Variants in PAXIP1 observed in about 807,000 individuals in gnomAD.
The protein encoded by PAXIP1 is PAX-interacting protein 1.
A neutral mutation model predicts 140.6 loss-of-function variants in PAXIP1; 19 were observed. The observed-to-expected ratio is 0.14, with a 90% confidence interval of 0.09 to 0.20. The LOEUF (loss-of-function observed/expected upper bound fraction) is 0.20. Ranked by LOEUF, PAXIP1 falls within the 10% of genes least tolerant of loss-of-function variation. The probability of loss-of-function intolerance (pLI) is 1.00; values close to 1 mark genes in which losing one functional copy is unlikely to be tolerated. For synonymous variants in PAXIP1, 442 were observed against 444.6 expected (o/e 0.99, Z 0.07); for missense variants, 920 against 1,208.6 (o/e 0.76, Z 3.54).
At chr7:154,971,176 G>A (rs1428352507) in intron 6 of PAXIP1, among the ~76,000 whole-genome samples, 2 of 152,220 alleles carry the variant, frequency 1.3e-5, no homozygotes, top group Admixed American at 1.3e-4. Context: ...GAGGGCTGAG[G>A]GAGGCCTAGG....
At chr7:154,993,401 CATG>C (rs1810437093) in intron 3 of PAXIP1, among the ~76,000 whole-genome samples, 1 of 152,202 alleles carries the variant, frequency 6.6e-6, no homozygotes, top group Non-Finnish European at 1.5e-5. Context: ...TCAAACAATT[CATG>C]ATTTGATTCA....
At chr7:154,955,769 T>G (rs1407380973) in intron 14 of PAXIP1, 138 bp from the exon 15 acceptor site, 1 of 534,290 alleles carries the variant, frequency 1.9e-6, no homozygotes, top group Non-Finnish European at 3.3e-6. Context: ...AAAAATACAA[T>G]GAGCTATCTG....
rs1447823064 is a variant in PAXIP1 at position 154,986,216 on chromosome 7, CAAGA to C, written c.325-2888_325-2885del. 7.5e-7 allele frequency: 1 copy of C among 1,330,046 alleles called. No individual in the cohort carries two copies. The highest frequency in any genetic ancestry group is 2.6e-4 in the Middle Eastern group (1 of 3,872). The allele number at this position is 1,330,046 out of a possible 1,614,324, so 82.4% of individuals were successfully genotyped here. A position where few individuals can be genotyped will look rare whatever the true frequency, so the allele number is the denominator to read the frequency against. On this transcript the variant is annotated intron_variant, in intron 4 of 20. Transcript: ENST00000404141. This position sits in a 1 kb window ranked among gnomAD's most constrained non-coding sequence, Gnocchi z 4.8. ...AAGACAGAAGGTCACTGAGAACCAC[CAAGA>C]AACAGTCCTTTTGTAAAGCTGGGGT...
chr7:155,000,621 A>T (rs1810845964), intron 1 of PAXIP1: 1 of 152,170 alleles, frequency 6.6e-6, no homozygotes, highest in Non-Finnish European at 1.5e-5. Context: ...AACTCCCTGC[A>T]ATCCAGCCCC....
chr7:154,951,476 T>A (rs901113101), intron 16 of PAXIP1: 17 of 152,156 alleles, frequency 1.1e-4, no homozygotes, highest in African/African-American at 4.1e-4. Flanking sequence ...GCCCTAAAAA[T>A]TGTCTATTTT....
chr7:155,003,122 A>AGCGCGGGAGCC lies in PAXIP1; in HGVS notation c.-194_-193insGGCTCCCGCGC, dbSNP rs1811014986. 6.4e-6 allele frequency: 1 copy of AGCGCGGGAGCC among 155,354 alleles called. No homozygotes were observed. Among genetic ancestry groups the AGCGCGGGAGCC allele is most frequent in the African/African-American group, 2.4e-5 (1 of 41,028 alleles). The allele number at this position is 155,354 out of a possible 1,614,324, so 9.6% of individuals were successfully genotyped here. On this transcript the variant is annotated 5_prime_UTR_variant, in exon 1 of 21. Coordinates refer to ENST00000404141, the MANE Select transcript of PAXIP1 (RefSeq NM_007349.4). ...GCCCGCGCCCGCGCCGAGCGCCCGAAGCGCGGGAGCCGCGCGCGCCCTGCG... is the reference window on the plus strand; with the variant it reads ...GCCCGCGCCCGCGCCGAGCGCCCGAAGCGCGGGAGCCGCGCGGGAGCCGCGCGCGCCCTGCG...
At chr7:154,971,775 A>C (rs893382304) in intron 6 of PAXIP1, among the ~76,000 whole-genome samples, 1 of 152,190 alleles carries the variant, frequency 6.6e-6, no homozygotes, top group South Asian at 2.1e-4. Context: ...AACCACTATA[A>C]ATTTGCAATT....
chr7:154,972,667 G>C (rs1306286413), intron 6 of PAXIP1, among the ~76,000 whole-genome samples: 1 of 152,184 alleles, frequency 6.6e-6, no homozygotes, highest in Non-Finnish European at 1.5e-5. Context: ...TTCTCGAAGT[G>C]CCAGAGGCTT....
At chr7:154,955,697 G>A in intron 14 of PAXIP1, 66 bp from the exon 15 acceptor site, 1 of 860,412 alleles carries the variant, frequency 1.2e-6, no homozygotes, top group Non-Finnish European at 1.7e-6. Flanking sequence ...ATTTTCTTTA[G>A]AAAACAAGGG....
At chr7:154,974,656 C>T (rs188830180) in intron 6 of PAXIP1, 1 of 152,166 alleles carries the variant, frequency 6.6e-6, no homozygotes, top group Admixed American at 6.5e-5. Flanking sequence ...TATTACGGGA[C>T]CCTGATTATT....
intron 2 of PAXIP1, among the ~76,000 whole-genome samples, chr7:154,996,549 T>G (rs1810624515): frequency 6.6e-6 from 1 of 152,190 alleles, no homozygotes; most frequent in South Asian, 2.1e-4. Flanking sequence ...AAGACTGCTT[T>G]GTTTAGCTCA....
intron 14 of PAXIP1, 133 bp from the exon 15 acceptor site, chr7:154,955,764 T>C (rs1007378468): frequency 1.9e-6 from 1 of 536,742 alleles, no homozygotes; most frequent in Non-Finnish European, 3.3e-6. Flanking sequence ...AAAGGAAAAA[T>C]ACAATGAGCT....
rs1407243980 is a variant in PAXIP1 at position 154,975,228 on chromosome 7, A to G, written c.1074+468T>C. Reference sequence around the variant, plus strand: ...AAAACTTAAGATCCACTCTGTATCAATAAGCTCCATGCTATATAAACTGTA... The same window carrying G: ...AAAACTTAAGATCCACTCTGTATCAGTAAGCTCCATGCTATATAAACTGTA... On this transcript the variant is annotated intron_variant, in intron 6 of 20. Coordinates refer to ENST00000404141, the MANE Select transcript of PAXIP1 (RefSeq NM_007349.4). Among the ~76,000 whole-genome samples, 3 of 152,174 alleles carry G rather than the reference A, an allele frequency of 2.0e-5. No homozygotes were observed. The East Asian group carries it at 5.8e-4, about 29-fold the overall frequency.
At position 154,966,793 on chromosome 7, in the gene PAXIP1, C is replaced by T. The variant is rs547872965; in HGVS notation, c.1893+1023G>A. ...TTAAAATGCACAGCTGATCACTTCACCTGCATCTAAACTTCACCACATGGC... is the reference window on the plus strand; with the variant it reads ...TTAAAATGCACAGCTGATCACTTCATCTGCATCTAAACTTCACCACATGGC... On this transcript the variant is annotated intron_variant, in intron 8 of 20. Coordinates refer to ENST00000404141, the MANE Select transcript of PAXIP1 (RefSeq NM_007349.4). Among the ~76,000 whole-genome samples the T allele has an allele frequency of 1.2e-4, 18 of 152,236 alleles. 1 individual carries two copies. The South Asian group carries it at 2.5e-3, about 21-fold the overall frequency.
chr7:154,954,496 C>A lies in PAXIP1; in HGVS notation c.2653-73G>T. ...AGAGCCACACTGACACAGAGTAACA[C>A]AGAGGAATATCTACCTAAAGACAAG... On this transcript the variant is annotated intron_variant, in intron 15 of 20. Coordinates refer to ENST00000404141, the MANE Select transcript of PAXIP1 (RefSeq NM_007349.4). This position sits in a 1 kb window ranked among gnomAD's most constrained non-coding sequence, Gnocchi z 5.1. 8 of 1,031,168 alleles carry A rather than the reference C, an allele frequency of 7.8e-6. No homozygotes were observed. The highest frequency in any genetic ancestry group is 1.0e-5 in the Non-Finnish European group (8 of 769,752). 63.9% of individuals were successfully genotyped at this position (1,031,168 alleles called of 1,614,324 possible).
chr7:154,983,466 AAT>A (rs1447207225), intron 4 of PAXIP1, 134 bp from the exon 5 acceptor site: 2 of 594,482 alleles, frequency 3.4e-6, no homozygotes, highest in Non-Finnish European at 5.9e-6. Context: ...TTGTAGAAAA[AAT>A]AGAGAAGCTT....
intron 6 of PAXIP1, among the ~76,000 whole-genome samples, chr7:154,974,946 A>T (rs1366217226): frequency 6.7e-6 from 1 of 150,280 alleles, no homozygotes; most frequent in Non-Finnish European, 1.5e-5. Flanking sequence ...AGAGTTCAAA[A>T]CCAGGCTGGC....
intron 6 of PAXIP1, chr7:154,974,446 A>C (rs1809474582): frequency 6.6e-6 from 1 of 152,190 alleles, no homozygotes; most frequent in Admixed American, 6.5e-5. Context: ...CATTCACCTT[A>C]TGAAGTTCAA....
At position 154,993,734 on chromosome 7, in the gene PAXIP1, A is replaced by C. The variant is rs747436753; in HGVS notation, c.252T>G (p.Thr84=). 6.3e-7 allele frequency: 1 copy of C among 1,593,526 alleles called. No individual in the cohort carries two copies. The highest frequency in any genetic ancestry group is 1.1e-5 in the South Asian group (1 of 87,160). The change falls in exon 3 of 21, where the codon ACT becomes ACG. Residue 84 remains threonine (T), a synonymous_variant. Transcript: ENST00000404141. ...SWVILSVQCG[T]LLPVNGFSPE... is the part of the protein sequence containing the mutation. ...CTCAAAAAAAAGGATACGGCAGAAG[A>C]GTTCCACACTGAACGGACAGAATCA...
Sources: allele counts gnomAD v4.1 joint callset (sites outside exome capture counted in the v4.1 genomes callset), GRCh38; gene constraint gnomAD v4.1.1; non-coding constraint Gnocchi (gnomAD v3.1); transcripts MANE v1.5; gene names NCBI Gene and HGNC (gene_info 2026-07-23, HGNC 2026-07-21).